Variants in SLC30A9 observed in about 807,000 individuals in gnomAD.
The protein encoded by SLC30A9 is solute carrier family 30 member 9, also known as proton-coupled zinc antiporter SLC30A9, mitochondrial.
A neutral mutation model predicts 87.5 loss-of-function variants in SLC30A9; 58 were observed. That is an observed-to-expected ratio of 0.66 (90% CI 0.54 to 0.82). SLC30A9 has a LOEUF of 0.82. Among genes scored for constraint, SLC30A9 ranks in the 40% least tolerant of loss-of-function variants. The pLI, the probability that SLC30A9 is intolerant of heterozygous loss-of-function variation, is 0.00. For synonymous variants in SLC30A9, 234 were observed against 233.0 expected, an observed-to-expected ratio of 1.00 and a Z score of -0.04; for missense variants, 557 against 679.1, an observed-to-expected ratio of 0.82 and a Z score of 2.00.
chr4:42,043,496 T>C (rs1473972912), intron 8 of SLC30A9, among the ~76,000 whole-genome samples: 1 of 151,600 alleles, frequency 6.6e-6, no homozygotes, highest in Non-Finnish European at 1.5e-5. Flanking sequence ...CTTAATGAAA[T>C]AAAGCATAAA....
chr4:42,076,822 T>C (rs544135198), intron 16 of SLC30A9, among the ~76,000 whole-genome samples: 14 of 151,524 alleles, frequency 9.2e-5, no homozygotes, highest in African/African-American at 3.1e-4. Flanking sequence ...ATTAGCTGGG[T>C]GTGGTGGTGC....
chr4:42,053,650 T>G (rs1717474167), intron 9 of SLC30A9, among the ~76,000 whole-genome samples: 1 of 124,968 alleles, frequency 8.0e-6, no homozygotes, highest in Non-Finnish European at 1.6e-5. Flanking sequence ...GATCCGAGAT[T>G]GCACCACTGC....
At chr4:41,991,788 A>G (rs2153131666) in intron 1 of SLC30A9, among the ~76,000 whole-genome samples, 1 of 152,186 alleles carries the variant, frequency 6.6e-6, no homozygotes. Flanking sequence ...CATGTTCGTG[A>G]CCTCCTGAAA....
intron 8 of SLC30A9, among the ~76,000 whole-genome samples, chr4:42,044,974 C>A (rs1717084914): frequency 6.6e-6 from 1 of 152,110 alleles, no homozygotes; most frequent in Non-Finnish European, 1.5e-5. Flanking sequence ...GGGTAAATAA[C>A]TAAATTAAGG....
chr4:42,010,627 A>C (rs1379106700), intron 2 of SLC30A9, among the ~76,000 whole-genome samples: 1 of 152,236 alleles, frequency 6.6e-6, no homozygotes, highest in Non-Finnish European at 1.5e-5. Context: ...TGCTTTTGTT[A>C]GTGCTTAATA....
chr4:42,082,610 G>A (rs1718781392), intron 17 of SLC30A9, among the ~76,000 whole-genome samples: 1 of 152,220 alleles, frequency 6.6e-6, no homozygotes, highest in Non-Finnish European at 1.5e-5. Context: ...CACTTTGGGA[G>A]GCCAAGGCGG....
chr4:42,023,993 G>A (rs1474220289), intron 6 of SLC30A9, among the ~76,000 whole-genome samples: 1 of 152,162 alleles, frequency 6.6e-6, no homozygotes, highest in Non-Finnish European at 1.5e-5. Context: ...TCCCACCATG[G>A]CCTGTCCTCG....
At chr4:42,078,424 T>C (rs1718641754) in intron 17 of SLC30A9, 99 bp downstream of exon 17, 2 of 648,288 alleles carry the variant, frequency 3.1e-6, no homozygotes, top group African/African-American at 1.9e-5. Flanking sequence ...ACATGCATGC[T>C]TTAACCCACT....
At chr4:42,025,750 C>T (rs1158209587) in intron 6 of SLC30A9, among the ~76,000 whole-genome samples, 1 of 152,086 alleles carries the variant, frequency 6.6e-6, no homozygotes, top group Non-Finnish European at 1.5e-5. Flanking sequence ...ACTGTAAGCT[C>T]TGCCTTCCGG....
intron 3 of SLC30A9, 41 bp downstream of exon 3, chr4:42,018,211 T>A: frequency 9.0e-7 from 1 of 1,108,076 alleles, no homozygotes; most frequent in Non-Finnish European, 1.3e-6. Flanking sequence ...TAAAGATGTT[T>A]TGAATTAAAT....
At chr4:42,009,467 A>T (rs780057233) in intron 2 of SLC30A9, among the ~76,000 whole-genome samples, 3 of 152,274 alleles carry the variant, frequency 2.0e-5, no homozygotes, top group Non-Finnish European at 4.4e-5. Flanking sequence ...AAATTTTAGT[A>T]AAATTAGTTT....
In SLC30A9 at chr4:42,088,800, T is replaced by A. The variant is rs1719010504; in HGVS notation, c.*2674T>A. 6.6e-6 allele frequency: 1 copy of A among 151,984 alleles called. No individual in the cohort carries two copies. The highest frequency in any genetic ancestry group is 1.5e-5 in the Non-Finnish European group (1 of 68,016). 9.4% of individuals were successfully genotyped at this position (151,984 alleles called of 1,614,324 possible). A position where few individuals can be genotyped will look rare whatever the true frequency, so the allele number is the denominator to read the frequency against. ...ACATGAGATTTGGTGGGGACAAAGA[T>A]CCAAAGCATATCAGCATCTGTAGTC... On this transcript the variant is annotated 3_prime_UTR_variant, in exon 18 of 18. Transcript: ENST00000264451.
intron 1 of SLC30A9, among the ~76,000 whole-genome samples, chr4:41,994,252 A>T (rs1577673433): frequency 6.6e-6 from 1 of 152,180 alleles, no homozygotes; most frequent in Non-Finnish European, 1.5e-5. Context: ...GTGAAAATAT[A>T]TACTGTGATA....
At chr4:42,084,605 A>G (rs28522838) in intron 17 of SLC30A9, among the ~76,000 whole-genome samples, 99,285 of 152,020 alleles carry the variant, frequency 0.65, 36,908 homozygotes, top group East Asian at 0.96. Flanking sequence ...CCGAGTAGCT[A>G]GGATTACAGG....
rs554254930 is a variant in SLC30A9 at position 41,992,490 on chromosome 4, T to C, written c.109+1730T>C. Reference sequence around the variant, plus strand: ...ATTACAGTGGCTGTTAAATTTAGTCTAAACTGCCCTTTAAGTGTTGGCAAA... The same window carrying C: ...ATTACAGTGGCTGTTAAATTTAGTCCAAACTGCCCTTTAAGTGTTGGCAAA... On this transcript the variant is annotated intron_variant, in intron 1 of 17. Coordinates refer to ENST00000264451, the MANE Select transcript of SLC30A9 (RefSeq NM_006345.4). Among the ~76,000 whole-genome samples, 5 of 152,360 alleles carry C rather than the reference T, an allele frequency of 3.3e-5. No individual in the cohort carries two copies. In the South Asian group the frequency reaches 1.0e-3, roughly 32 times the overall value.
intron 8 of SLC30A9, among the ~76,000 whole-genome samples, chr4:42,041,790 T>A (rs1365995819): frequency 6.6e-6 from 1 of 152,176 alleles, no homozygotes; most frequent in Non-Finnish European, 1.5e-5. Context: ...TAGGAACAGA[T>A]CCTGTCTGCA....
chr4:42,037,935 TG>T (rs1448200415), intron 7 of SLC30A9, among the ~76,000 whole-genome samples: 1 of 152,082 alleles, frequency 6.6e-6, no homozygotes, highest in East Asian at 1.9e-4. Flanking sequence ...CACAGCCGGC[TG>T]ATTTTTTTGT....
At chr4:42,051,245 C>G (rs1220231435) in intron 9 of SLC30A9, among the ~76,000 whole-genome samples, 1 of 152,158 alleles carries the variant, frequency 6.6e-6, no homozygotes. Context: ...ACAAATCTTC[C>G]TAAAAGTTCT....
In SLC30A9 at chr4:42,022,938, C is replaced by T; in HGVS notation, c.527+8C>T. The T allele has an allele frequency of 6.8e-6, 10 of 1,480,028 alleles. No homozygotes were observed. Among genetic ancestry groups the T allele is most frequent in the Non-Finnish European group, 9.2e-6 (10 of 1,084,580 alleles). 91.7% of individuals were successfully genotyped at this position (1,480,028 alleles called of 1,614,324 possible). On this transcript the variant is annotated splice_region_variant and intron_variant, in intron 5 of 17. Transcript: ENST00000264451. ...ATCAGATGTGGAAGCAAAGTAAGAACATAGTTCTTTCAGAATAAAAGTGCA... is the reference window on the plus strand; with the variant it reads ...ATCAGATGTGGAAGCAAAGTAAGAATATAGTTCTTTCAGAATAAAAGTGCA...
Sources: gnomAD v4.1 joint callset for allele counts (sites outside exome capture counted in the v4.1 genomes callset) on GRCh38, gnomAD v4.1.1 for gene constraint, MANE v1.5 for transcripts, NCBI Gene and HGNC (gene_info 2026-07-23, HGNC 2026-07-21) for gene names.